The following PLXNA2 variants were observed in gnomAD, a reference collection of about 807,000 sequenced individuals.
The protein encoded by PLXNA2 is plexin A2.
PLXNA2 carries 91 observed loss-of-function variants against 193.5 expected under a neutral mutation model. That is an observed-to-expected ratio of 0.47 (90% CI 0.40 to 0.56). The LOEUF is 0.56. PLXNA2 is among the 20% of genes least tolerant of loss of function. The pLI, the probability that PLXNA2 is intolerant of heterozygous loss-of-function variation, is 0.00. For missense variants in PLXNA2, 1,995 were observed against 2,503.2 expected (o/e 0.80, Z 4.33); for synonymous variants, 997 against 1,027.3 (o/e 0.97, Z 0.56).
intron 12 of PLXNA2, among the ~76,000 whole-genome samples, chr1:208,071,750 T>C (rs1444876157): frequency 6.6e-6 from 1 of 152,244 alleles, no homozygotes; most frequent in Admixed American, 6.5e-5. Flanking sequence ...GTTGCAGTGA[T>C]GTTATATTAA....
At position 208,194,172 on chromosome 1, in the gene PLXNA2, C is replaced by T. The variant is rs542675613; in HGVS notation, c.1371+16108G>A. 7.2e-5 allele frequency among the ~76,000 whole-genome samples: 11 copies of T among 151,858 alleles called. No individual in the cohort carries two copies. In the South Asian group the frequency reaches 2.3e-3, roughly 32 times the overall value. On this transcript the variant is annotated intron_variant, in intron 3 of 31. Transcript: ENST00000367033. ...GCCACAGTTCCCCTGGTATGTTGTG[C>T]TCAGGTTGGGAGCCCCTGTCTGCTA...
intron 4 of PLXNA2, among the ~76,000 whole-genome samples, chr1:208,137,245 C>G (rs1475438552): frequency 6.6e-6 from 1 of 152,176 alleles, no homozygotes; most frequent in Non-Finnish European, 1.5e-5. Context: ...CTCCCTTTTT[C>G]CATTTCACCC....
chr1:208,051,774 A>G (rs1159060237), intron 15 of PLXNA2, among the ~76,000 whole-genome samples: 10 of 152,234 alleles, frequency 6.6e-5, no homozygotes, highest in Admixed American at 5.2e-4. Flanking sequence ...CCTACTGTAC[A>G]TAGCAGTGAA....
Position 208,042,190 on chromosome 1 carries a change from C to T in PLXNA2, c.4194G>A (p.Leu1398=), listed in dbSNP as rs1664891727. ...SLIMTGLQGR[L]EYATDVLKQL... is the part of the protein sequence containing the mutation. ...GCTTGAGGACATCAGTGGCATATTCCAGGCGGCCCTGCAGGCCGGTCATGA... is the reference window on the plus strand; with the variant it reads ...GCTTGAGGACATCAGTGGCATATTCTAGGCGGCCCTGCAGGCCGGTCATGA... Residue 1398 remains leucine (L), a synonymous_variant, in exon 22 of 32, where the codon CTG becomes CTA. Coordinates refer to ENST00000367033, the MANE Select transcript of PLXNA2 (RefSeq NM_025179.4). The T allele has an allele frequency of 6.2e-7, 1 of 1,614,084 alleles. No individual in the cohort carries two copies. The highest frequency in any genetic ancestry group is 1.1e-5 in the South Asian group (1 of 91,090).
rs1429109431 is a variant in PLXNA2, at chr1:208,039,644, G to A, written c.4477C>T (p.Gln1493Ter). 6.2e-7 allele frequency: 1 copy of A among 1,614,098 alleles called. No individual in the cohort carries two copies. The highest frequency in any genetic ancestry group is 1.3e-5 in the African/African-American group (1 of 75,050). ...ACCAGGGTCTTGTACTCGATCTGCT[G>A]CCGGATGAGCTTGTCCTCGCTCAGG... ...YSLSEDKLIR[Q>*]QIEYKTLILN... The change falls in exon 24 of 32, where the codon CAG (glutamine) becomes TAG (stop). Residue 1493 changes from glutamine to a stop codon, truncating the protein, a stop_gained. Coordinates refer to ENST00000367033, the MANE Select transcript of PLXNA2 (RefSeq NM_025179.4). LOFTEE classifies it high-confidence loss of function.
chr1:208,115,037 T>A (rs1667595733), intron 4 of PLXNA2, among the ~76,000 whole-genome samples: 1 of 152,178 alleles, frequency 6.6e-6, no homozygotes, highest in Non-Finnish European at 1.5e-5. Context: ...GGCAAGGTGG[T>A]GATATGAGGC....
chr1:208,203,954 C>G (rs573562100), intron 3 of PLXNA2, among the ~76,000 whole-genome samples: 1 of 152,316 alleles, frequency 6.6e-6, no homozygotes, highest in South Asian at 2.1e-4. Flanking sequence ...TAAGCTGCTA[C>G]TGCAAGAAGC....
chr1:208,148,634 C>T (rs1668667768), intron 3 of PLXNA2, among the ~76,000 whole-genome samples: 1 of 152,198 alleles, frequency 6.6e-6, no homozygotes, highest in Non-Finnish European at 1.5e-5. Context: ...GCGTTAGGAG[C>T]TGCAGATACG....
intron 1 of PLXNA2, among the ~76,000 whole-genome samples, chr1:208,224,841 C>T (rs1374489200): frequency 6.6e-6 from 1 of 152,124 alleles, no homozygotes; most frequent in African/African-American, 2.4e-5. Context: ...CAATTTCTAC[C>T]CAGTCACCCT....
At chr1:208,154,408 C>G (rs1668872266) in intron 3 of PLXNA2, among the ~76,000 whole-genome samples, 1 of 152,138 alleles carries the variant, frequency 6.6e-6, no homozygotes, top group Non-Finnish European at 1.5e-5. Context: ...TTAGGACTCC[C>G]CAAGTCCTCC....
intron 1 of PLXNA2, among the ~76,000 whole-genome samples, chr1:208,224,164 G>C (rs1276549812): frequency 6.6e-6 from 1 of 152,180 alleles, no homozygotes; most frequent in East Asian, 1.9e-4. Context: ...AAAAGCCCCG[G>C]GTAATGCCGA....
intron 20 of PLXNA2, among the ~76,000 whole-genome samples, chr1:208,043,927 T>C (rs1371770525): frequency 1.3e-5 from 2 of 152,214 alleles, no homozygotes; most frequent in African/African-American, 4.8e-5. Context: ...GGACGCCAGG[T>C]ACACTCGTCA....
intron 1 of PLXNA2, among the ~76,000 whole-genome samples, chr1:208,229,216 A>C (rs1671610016): frequency 6.6e-6 from 1 of 152,182 alleles, no homozygotes; most frequent in Non-Finnish European, 1.5e-5. Context: ...GAGGAGAGAA[A>C]GGAGATTGGA....
intron 3 of PLXNA2, among the ~76,000 whole-genome samples, chr1:208,206,149 G>C (rs1670713163): frequency 6.6e-6 from 1 of 152,194 alleles, no homozygotes; most frequent in African/African-American, 2.4e-5. Context: ...AAAGACAGCT[G>C]TTCTATGTCC....
intron 5 of PLXNA2, 99 bp downstream of exon 5, chr1:208,103,048 A>G (rs888477226): frequency 2.9e-5 from 16 of 559,578 alleles, no homozygotes; most frequent in Non-Finnish European, 4.8e-5. Context: ...TCTGAAGAGG[A>G]CAATTCCTCT....
intron 12 of PLXNA2, among the ~76,000 whole-genome samples, chr1:208,076,407 CT>C (rs1027081114): frequency 2.0e-5 from 3 of 152,112 alleles, no homozygotes; most frequent in Admixed American, 1.3e-4. Context: ...TTGTTTGTTT[CT>C]TTTTTTCAGG....
chr1:208,098,458 TCACACA>T (rs56677339), intron 6 of PLXNA2, among the ~76,000 whole-genome samples: 54 of 123,522 alleles, frequency 4.4e-4, no homozygotes, highest in African/African-American at 1.5e-3. Context: ...TCTCTCTCTC[TCACACA>T]CACACACACA....
At chr1:208,136,505 A>T (rs778567138) in intron 4 of PLXNA2, among the ~76,000 whole-genome samples, 1 of 152,182 alleles carries the variant, frequency 6.6e-6, no homozygotes, top group Non-Finnish European at 1.5e-5. Context: ...CCCGGTGTCC[A>T]TGCATGCAGC....
At chr1:208,067,678 G>A (rs990570964) in intron 12 of PLXNA2, among the ~76,000 whole-genome samples, 2 of 152,168 alleles carry the variant, frequency 1.3e-5, no homozygotes, top group Non-Finnish European at 2.9e-5. Context: ...CCAGTCACAT[G>A]CAGTACAGGT....
Sources: allele counts gnomAD v4.1 joint callset (sites outside exome capture counted in the v4.1 genomes callset), GRCh38; gene constraint gnomAD v4.1.1; transcripts MANE v1.5; gene names NCBI Gene and HGNC (gene_info 2026-07-23, HGNC 2026-07-21).